The following IGFBP7 variants were observed in gnomAD, a reference collection of about 807,000 sequenced individuals.
The protein encoded by IGFBP7 is insulin-like growth factor-binding protein 7.
Under a neutral mutation model 29.4 loss-of-function variants are expected in IGFBP7, and 31 were observed. That is an observed-to-expected ratio of 1.05 (90% CI 0.79 to 1.42). The LOEUF is 1.42. Among genes scored for constraint, IGFBP7 ranks in the 40% most tolerant of loss-of-function variants. The pLI is 0.00. For synonymous variants in IGFBP7, 172 were observed against 174.9 expected (o/e 0.98, Z 0.13); for missense variants, 393 against 395.5 (o/e 0.99, Z 0.05).
intron 2 of IGFBP7, among the ~76,000 whole-genome samples, chr4:57,036,128 A>G (rs1360190219): frequency 6.6e-6 from 1 of 152,246 alleles, no homozygotes; most frequent in Non-Finnish European, 1.5e-5. Context: ...TGAGAAGCAG[A>G]CTTGGACGGA....
chr4:57,087,859 A>C (rs1276514617), intron 1 of IGFBP7, among the ~76,000 whole-genome samples: 1 of 152,244 alleles, frequency 6.6e-6, no homozygotes, highest in Non-Finnish European at 1.5e-5. Flanking sequence ...CTGTTAGTCA[A>C]TGTATAGTCA....
intron 1 of IGFBP7, among the ~76,000 whole-genome samples, chr4:57,096,991 T>A (rs1725777767): frequency 6.6e-6 from 1 of 152,240 alleles, no homozygotes; most frequent in Admixed American, 6.5e-5. Context: ...ATGTACATAA[T>A]GGGCATTAAT....
intron 1 of IGFBP7, among the ~76,000 whole-genome samples, chr4:57,107,609 T>G (rs186447014): frequency 6.6e-6 from 1 of 152,232 alleles, no homozygotes; most frequent in Non-Finnish European, 1.5e-5. Flanking sequence ...TTCTGCTCTC[T>G]TTGGCATTCT....
rs536647348 is a variant in IGFBP7, at chr4:57,062,820, T to TAAA, written c.476-21888_476-21887insTTT. On this transcript the variant is annotated intron_variant, in intron 1 of 4. Coordinates refer to ENST00000295666, the MANE Select transcript of IGFBP7 (RefSeq NM_001553.3). Reference sequence around the variant, plus strand: ...AACACTCCTGGGTAGAGTCCAGCAATCCTTCTATTAGAGAAAATGTTTTCT... The same window carrying TAAA: ...AACACTCCTGGGTAGAGTCCAGCAATAAACCTTCTATTAGAGAAAATGTTTTCT... Among the ~76,000 whole-genome samples the TAAA allele has an allele frequency of 3.6e-3, 556 of 152,332 alleles. 5 individuals are homozygous for TAAA. Among genetic ancestry groups the TAAA allele is most frequent in the African/African-American group, 0.013 (523 of 41,570 alleles).
chr4:57,099,006 C>T (rs1348536832), intron 1 of IGFBP7, among the ~76,000 whole-genome samples: 1 of 152,136 alleles, frequency 6.6e-6, no homozygotes, highest in Non-Finnish European at 1.5e-5. Context: ...AGATCTATTT[C>T]TTGATAAATT....
chr4:57,051,251 G>C (rs1025459969), intron 1 of IGFBP7, among the ~76,000 whole-genome samples: 1 of 152,226 alleles, frequency 6.6e-6, no homozygotes, highest in African/African-American at 2.4e-5. Context: ...TTAAAGAGCA[G>C]AGCCATCTGC....
At chr4:57,046,844 T>C (rs1019827199) in intron 1 of IGFBP7, among the ~76,000 whole-genome samples, 3 of 152,202 alleles carry the variant, frequency 2.0e-5, no homozygotes, top group African/African-American at 7.2e-5. Flanking sequence ...CCTACATTTT[T>C]CTATCCAGAT....
At chr4:57,053,360 C>A (rs990767002) in intron 1 of IGFBP7, among the ~76,000 whole-genome samples, 1 of 151,958 alleles carries the variant, frequency 6.6e-6, no homozygotes, top group African/African-American at 2.4e-5. Context: ...TTGTATGGGT[C>A]TAGCATTAAA....
intron 2 of IGFBP7, among the ~76,000 whole-genome samples, chr4:57,038,882 C>A (rs7692969): frequency 6.6e-6 from 1 of 151,518 alleles, no homozygotes; most frequent in African/African-American, 2.4e-5. Flanking sequence ...GCCTGACCAA[C>A]ATGGAGAAAC....
intron 1 of IGFBP7, among the ~76,000 whole-genome samples, chr4:57,042,216 T>C (rs941101259): frequency 6.6e-6 from 1 of 152,212 alleles, no homozygotes; most frequent in Non-Finnish European, 1.5e-5. Context: ...GTATCCTTTT[T>C]GCTATGAAAG....
intron 1 of IGFBP7, among the ~76,000 whole-genome samples, chr4:57,082,052 A>G (rs1578640260): frequency 1.3e-5 from 2 of 152,200 alleles, no homozygotes; most frequent in Admixed American, 6.5e-5. Flanking sequence ...CTAGAGCAAC[A>G]GAAAATGCAC....
chr4:57,072,782 G>T, intron 1 of IGFBP7: 1 of 537,024 alleles, frequency 1.9e-6, no homozygotes. Flanking sequence ...CAAATGGGTG[G>T]GGACCATCCA....
intron 1 of IGFBP7, among the ~76,000 whole-genome samples, chr4:57,101,848 A>T (rs1315167389): frequency 6.6e-6 from 1 of 152,146 alleles, no homozygotes; most frequent in Non-Finnish European, 1.5e-5. Flanking sequence ...CTATCCCCAC[A>T]TAAGAGTAAA....
intron 1 of IGFBP7, among the ~76,000 whole-genome samples, chr4:57,049,948 GTTATAACTATCTTAT>G (rs1475240504): frequency 1.3e-5 from 2 of 152,166 alleles, no homozygotes; most frequent in African/African-American, 2.4e-5. Context: ...CCAAAGTGGT[GTTATAACTATCTTAT>G]TTATCAGCTG....
Position 57,033,205 on chromosome 4 carries a change from C to A in IGFBP7, c.692G>T (p.Gly231Val). The A allele has an allele frequency of 6.2e-7, 1 of 1,609,996 alleles. No individual in the cohort carries two copies. The highest frequency in any genetic ancestry group is 8.5e-7 in the Non-Finnish European group (1 of 1,176,188). Residue 231 changes from glycine (G) to valine (V), a missense_variant, in exon 3 of 5, where the codon GGC (glycine) becomes GTC (valine). By Grantham distance (109) the Gly-to-Val change is moderately radical (BLOSUM62 -3). Transcript: ENST00000295666. ...GGTACTGGTACTCACCAGCACCCAGCCAGTTACTTCATGCTTTTCTGGGCC... is the reference window on the plus strand; with the variant it reads ...GGTACTGGTACTCACCAGCACCCAGACAGTTACTTCATGCTTTTCTGGGCC... ...RGGPEKHEVT[G>V]WVLVSPLSKE...
At chr4:57,045,776 G>A (rs1724344177) in intron 1 of IGFBP7, among the ~76,000 whole-genome samples, 1 of 151,554 alleles carries the variant, frequency 6.6e-6, no homozygotes, top group Admixed American at 6.6e-5. Flanking sequence ...TGTTGCCCAG[G>A]GTGCAATGGT....
At chr4:57,042,200 C>T (rs1389572494) in intron 1 of IGFBP7, among the ~76,000 whole-genome samples, 1 of 152,180 alleles carries the variant, frequency 6.6e-6, no homozygotes, top group South Asian at 2.1e-4. Flanking sequence ...TCAACACAAA[C>T]CATGTGTATC....
chr4:57,079,528 G>A (rs1393473728), intron 1 of IGFBP7, among the ~76,000 whole-genome samples: 1 of 152,168 alleles, frequency 6.6e-6, no homozygotes, highest in Admixed American at 6.5e-5. Context: ...TAATTACCCT[G>A]GCACTCCAAG....
At chr4:57,052,312 G>C (rs1482772291) in intron 1 of IGFBP7, among the ~76,000 whole-genome samples, 1 of 152,182 alleles carries the variant, frequency 6.6e-6, no homozygotes, top group East Asian at 1.9e-4. Flanking sequence ...ACCATGAACA[G>C]AAGCAGGGGT....
Sources: gnomAD v4.1 joint callset for allele counts (sites outside exome capture counted in the v4.1 genomes callset) on GRCh38, gnomAD v4.1.1 for gene constraint, MANE v1.5 for transcripts, NCBI Gene and HGNC (gene_info 2026-07-23, HGNC 2026-07-21) for gene names.